Variants in FBN3 observed in about 807,000 individuals in gnomAD.
FBN3 encodes fibrillin-3.
In FBN3, 234 loss-of-function variants were observed where a neutral mutation model predicts 330.1. That is an observed-to-expected ratio of 0.71 (90% CI 0.64 to 0.79). The LOEUF (loss-of-function observed/expected upper bound fraction) is 0.79, where lower values mean the gene tolerates loss of function less well. Ranked by LOEUF, FBN3 falls within the 30% of genes least tolerant of loss-of-function variation. The pLI, the probability that FBN3 is intolerant of heterozygous loss-of-function variation, is 0.00. For missense variants in FBN3, 3,606 were observed against 3,886.9 expected, an observed-to-expected ratio of 0.93 and a Z score of 1.92; for synonymous variants, 1,458 against 1,517.3, an observed-to-expected ratio of 0.96 and a Z score of 0.91.
At chr19:8,137,253 A>G (rs1455470486) in intron 10 of FBN3, among the ~76,000 whole-genome samples, 3 of 105,592 alleles carry the variant, frequency 2.8e-5, no homozygotes, top group Admixed American at 1.0e-4. Context: ...CACCAACCTG[A>G]AGCCTAGATC....
Position 8,108,191 on chromosome 19 carries a change from G to A in FBN3, c.4666C>T (p.Arg1556Cys), listed in dbSNP as rs372964773. 6.8e-5 allele frequency: 110 copies of A among 1,612,668 alleles called. No individual in the cohort carries two copies. Among genetic ancestry groups the A allele is most frequent in the African/African-American group, 5.5e-4 (41 of 74,832 alleles). Residue 1556 changes from arginine (R) to cysteine (C), a missense_variant, in exon 37 of 64, where the codon CGC becomes TGC. By Grantham distance (180) the Arg-to-Cys change is radical. Transcript: ENST00000600128. ...CPGGEGFQPN[R>C]ITVILEDIDE... ...TCACCTTCCAGAATGACAGTGATGC[G>A]GTTAGGCTGGAAGCCCTCACCACCC...
intron 47 of FBN3, among the ~76,000 whole-genome samples, chr19:8,093,874 A>C (rs556158888): frequency 1.3e-5 from 2 of 152,310 alleles, no homozygotes; most frequent in South Asian, 4.1e-4. Context: ...AGGCTAGCCC[A>C]GATGGAAGCC....
chr19:8,135,936 G>GGGGGGGGGGGGGGGCGGCCCCCCCC, intron 13 of FBN3, 25 bp downstream of exon 13: 1 of 668,776 alleles, frequency 1.5e-6, no homozygotes, highest in Non-Finnish European at 2.4e-6. Flanking sequence ...GGAAGCCCCT[G>GGGGGGGGGGGGGGGCGGCCCCCCCC]CCCACCCGCC....
chr19:8,114,403 C>A (rs763898904), intron 30 of FBN3, among the ~76,000 whole-genome samples: 36 of 152,002 alleles, frequency 2.4e-4, no homozygotes, highest in Non-Finnish European at 4.6e-4. Flanking sequence ...GCGTGCGCCA[C>A]CACGCCCAGC....
rs1323462269 is a variant in FBN3 at position 8,085,370 on chromosome 19, C to T, written c.7080G>A (p.Glu2360=). ...GAGGGCATGGGCACCCACCTCGGCC[C>T]TCAGCAGTGTAGCCTGAGCCATGGG... The part of the protein sequence containing the change: ...LCPHGSGYTA[E]GRDVDECRML... Residue 2360 remains glutamate (E), a synonymous_variant, in exon 56 of 64, where the codon GAG becomes GAA. Transcript: ENST00000600128. The T allele has an allele frequency of 6.3e-7, 1 of 1,574,816 alleles. No homozygotes were observed. The highest frequency in any genetic ancestry group is 8.6e-7 in the Non-Finnish European group (1 of 1,163,996).
rs1038947423 is a variant in FBN3 at position 8,149,367 on chromosome 19, C to G, written c.-18+82G>C. 6 of 151,734 alleles carry G rather than the reference C, an allele frequency of 4.0e-5. No homozygotes were observed. The highest frequency in any genetic ancestry group is 8.8e-5 in the Non-Finnish European group (6 of 67,860). 9.4% of individuals were successfully genotyped at this position (151,734 alleles called of 1,614,324 possible). ...ACAAAGGAATCCTCTCCCCCTCCCC[C>G]TGCCGGCCCCCCCGCCCCCGCCTTC... On this transcript the variant is annotated intron_variant, in intron 1 of 63. Transcript: ENST00000600128. The surrounding 1 kb of genome is among the most constrained non-coding windows in gnomAD (Gnocchi z 5.5).
Position 8,081,375 on chromosome 19 carries a change from T to A in FBN3, c.7319A>T (p.Asp2440Val). The A allele has an allele frequency of 6.2e-7, 1 of 1,607,120 alleles. No homozygotes were observed. The highest frequency in any genetic ancestry group is 8.5e-7 in the Non-Finnish European group (1 of 1,176,726). ...SCPRGYLLEE[D>V]GRTCKDLDEC... ...GACATCACCTTTGCAGGTCCTGCCA[T>A]CCTCCTCCAGCAGGTAGCCTCGGGG... Residue 2440 changes from aspartate (D) to valine (V), a missense_variant, in exon 58 of 64, where the codon GAT becomes GTT. Physicochemically the swap from Asp to Val is radical, Grantham distance 152. Coordinates refer to ENST00000600128, the MANE Select transcript of FBN3 (RefSeq NM_032447.5).
rs150872554 is a variant in FBN3, at chr19:8,075,099, G to T, written c.7674C>A (p.Thr2558=). 59 of 1,599,608 alleles carry T rather than the reference G, an allele frequency of 3.7e-5. 1 individual carries two copies. The African/African-American group carries it at 3.9e-4, about 11-fold the overall frequency. Residue 2558 remains threonine (T), a synonymous_variant, in exon 61 of 64, where the codon ACC becomes ACA. Coordinates refer to ENST00000600128, the MANE Select transcript of FBN3 (RefSeq NM_032447.5). ...GYRCSCPQGF[T]QHSQWAQCVD... is the part of the protein sequence containing the mutation. ...CACACTGGGCCCACTGGGAGTGCTG[G>T]GTGAAACCCTGGGGGCAGCTGCAGC...
chr19:8,094,334 C>T (rs759254593), intron 47 of FBN3, 112 bp downstream of exon 47: 44 of 1,162,902 alleles, frequency 3.8e-5, no homozygotes, highest in African/African-American at 7.7e-5. Flanking sequence ...TTTGACGCTG[C>T]GTTAAGTACA....
Position 8,136,184 on chromosome 19 carries a change from C to T in FBN3, c.1465+6G>A, listed in dbSNP as rs775213194. ...ATCACCCCTACTCTTGGATGGACAG[C>T]CGTACCCACGCATGCCTGCCTGGTG... On this transcript the variant is annotated splice_donor_region_variant and intron_variant, in intron 12 of 63. Coordinates refer to ENST00000600128, the MANE Select transcript of FBN3 (RefSeq NM_032447.5). 1.2e-6 allele frequency: 2 copies of T among 1,613,566 alleles called. No individual in the cohort carries two copies. Among genetic ancestry groups the T allele is most frequent in the Admixed American group, 3.3e-5 (2 of 59,964 alleles).
At chr19:8,091,979 A>G (rs1007606966) in intron 47 of FBN3, among the ~76,000 whole-genome samples, 11 of 151,814 alleles carry the variant, frequency 7.2e-5, no homozygotes, top group African/African-American at 2.7e-4. Context: ...CAGGAGATTG[A>G]GACTATCCTG....
chr19:8,106,231 T>C lies in FBN3; in HGVS notation c.4690A>G (p.Ile1564Val). Residue 1564 changes from isoleucine (I) to valine (V), a missense_variant and splice_region_variant, in exon 38 of 64, where the codon ATC (isoleucine) becomes GTC (valine). Ile to Val is a conservative substitution (Grantham distance 29). Coordinates refer to ENST00000600128, the MANE Select transcript of FBN3 (RefSeq NM_032447.5). ...PNRITVILED[I>V]DECQELPGLC... Reference sequence around the variant, plus strand: ...CCTGGCAGCTCTTGGCACTCGTCGATGTCTGTCAGGAAGTAAGGAAGCCAA... The same window carrying C: ...CCTGGCAGCTCTTGGCACTCGTCGACGTCTGTCAGGAAGTAAGGAAGCCAA... 2 of 1,614,120 alleles carry C rather than the reference T, an allele frequency of 1.2e-6. No homozygotes were observed. The highest frequency in any genetic ancestry group is 1.7e-6 in the Non-Finnish European group (2 of 1,180,004).
chr19:8,076,247 C>CATGTGTGTGTGTGTGT (rs60725609), intron 59 of FBN3, among the ~76,000 whole-genome samples: 8,630 of 147,672 alleles, frequency 0.058, 329 homozygotes, highest in Non-Finnish European at 0.073. Context: ...TGTCCGTGTG[C>CATGTGTGTGTGTGTGT]GTGTGTGTGT....
chr19:8,105,842 G>A lies in FBN3; in HGVS notation c.4813+266C>T, dbSNP rs1231325017. Among the ~76,000 whole-genome samples, 5 of 152,208 alleles carry A rather than the reference G, an allele frequency of 3.3e-5. No homozygotes were observed. In the East Asian group the frequency reaches 9.6e-4, roughly 29 times the overall value. ...TACAACATCCAGACAAAGATATGGT[G>A]AAGAAGGAAGCTGCTGTACTTCATA... On this transcript the variant is annotated intron_variant, in intron 38 of 63. Coordinates refer to ENST00000600128, the MANE Select transcript of FBN3 (RefSeq NM_032447.5).
intron 3 of FBN3, 86 bp from the exon 4 acceptor site, chr19:8,146,311 CCT>C: frequency 9.2e-7 from 1 of 1,082,162 alleles, no homozygotes; most frequent in Non-Finnish European, 1.4e-6. Context: ...GGCCGGAACA[CCT>C]CAGTGGACGC....
chr19:8,125,845 C>T, intron 22 of FBN3, 47 bp downstream of exon 22: 1 of 1,546,898 alleles, frequency 6.5e-7, no homozygotes, highest in East Asian at 2.3e-5. Context: ...GTGGAGGGAA[C>T]AAAGGAAGAA....
chr19:8,071,734 T>C (rs2081515825), intron 63 of FBN3, among the ~76,000 whole-genome samples: 1 of 152,080 alleles, frequency 6.6e-6, no homozygotes, highest in Non-Finnish European at 1.5e-5. Flanking sequence ...TGCATCCAAG[T>C]GCCTTTATAA....
chr19:8,095,389 C>T lies in FBN3; in HGVS notation c.5771G>A (p.Gly1924Glu). The T allele has an allele frequency of 6.2e-7, 1 of 1,612,774 alleles. No homozygotes were observed. Among genetic ancestry groups the T allele is most frequent in the Non-Finnish European group, 8.5e-7 (1 of 1,179,268 alleles). ...GGCAGACTCACCCACACAGTTCTTC[C>T]CATCAGCTGTGAGCTCAAAGCCATC... is the stretch of plus-strand genomic sequence containing the variant. ...CQDGFELTAD[G>E]KNCVDTNECL... The change falls in exon 46 of 64, where the codon GGG (glycine) becomes GAG (glutamate). Residue 1924 changes from glycine (G) to glutamate (E), a missense_variant. Physicochemically the swap from Gly to Glu is moderately conservative, Grantham distance 98. Coordinates refer to ENST00000600128, the MANE Select transcript of FBN3 (RefSeq NM_032447.5).
intron 26 of FBN3, among the ~76,000 whole-genome samples, chr19:8,118,047 TCA>T (rs929358629): frequency 6.9e-5 from 10 of 144,382 alleles, no homozygotes; most frequent in African/African-American, 2.3e-4. Context: ...CAATGCACAC[TCA>T]CACATACACA....
Sources: gnomAD v4.1 joint callset for allele counts (sites outside exome capture counted in the v4.1 genomes callset) on GRCh38, gnomAD v4.1.1 for gene constraint, Gnocchi (gnomAD v3.1) non-coding constraint, MANE v1.5 for transcripts, NCBI Gene and HGNC (gene_info 2026-07-23, HGNC 2026-07-21) for gene names.